The following RARB variants were observed in gnomAD, a reference collection of about 807,000 sequenced individuals.
The protein encoded by RARB is retinoic acid receptor beta, also known as HBV-activated protein.
A neutral mutation model predicts 51.9 loss-of-function variants in RARB; 17 were observed. That is an observed-to-expected ratio of 0.33 (90% CI 0.22 to 0.49). The LOEUF is 0.49. Ranked by LOEUF, RARB falls within the 20% of genes least tolerant of loss-of-function variation. The pLI is 0.99. For missense variants in RARB, 369 were observed against 550.8 expected (o/e 0.67, Z 3.30); for synonymous variants, 215 against 195.4 (o/e 1.10, Z -0.84).
At chr3:25,437,978 TTTA>T (rs1330212931) in intron 1 of RARB, among the ~76,000 whole-genome samples, 1 of 152,230 alleles carries the variant, frequency 6.6e-6, no homozygotes, top group Non-Finnish European at 1.5e-5. Flanking sequence ...GGTCTAACAA[TTTA>T]TTATGACATT....
In RARB at chr3:25,112,133, T is replaced by G. The variant is rs758852806; in HGVS notation, c.-327-20028T>G. Among the ~76,000 whole-genome samples the G allele has an allele frequency of 1.2e-4, 19 of 152,294 alleles. No homozygotes were observed. In the South Asian group the frequency reaches 1.5e-3, roughly 12 times the overall value. On this transcript the variant is annotated intron_variant, in intron 3 of 11. Coordinates refer to the RARB transcript ENST00000383772. ...TAAAAGAACAGACTCTTGTAGAAGT[T>G]AAGAATTATTGGGACATTGAGTAGC...
intron 2 of RARB, among the ~76,000 whole-genome samples, chr3:24,979,144 C>A (rs758425252): frequency 3.9e-5 from 6 of 152,170 alleles, no homozygotes; most frequent in East Asian, 1.9e-4. Context: ...TGTTCTCTTA[C>A]ATTTGCTGAG....
intron 5 of RARB, among the ~76,000 whole-genome samples, chr3:25,178,875 C>G (rs904299266): frequency 6.6e-6 from 1 of 152,148 alleles, no homozygotes; most frequent in Admixed American, 6.5e-5. Context: ...GTCTGTCTGT[C>G]TCTCTTTATG....
intron 2 of RARB, among the ~76,000 whole-genome samples, chr3:24,897,055 C>G (rs1703493054): frequency 6.6e-6 from 1 of 152,184 alleles, no homozygotes; most frequent in Admixed American, 6.5e-5. Context: ...GATTTGGCAT[C>G]CCTGAAGTCT....
chr3:25,421,377 A>G (rs1334561325), intron 5 of RARB, among the ~76,000 whole-genome samples: 1 of 133,288 alleles, frequency 7.5e-6, no homozygotes, highest in Non-Finnish European at 1.6e-5. Flanking sequence ...CCTTGCAGAC[A>G]TTGCACTAAC....
intron 5 of RARB, among the ~76,000 whole-genome samples, chr3:25,318,090 A>G (rs971563221): frequency 2.0e-5 from 3 of 152,200 alleles, no homozygotes; most frequent in Non-Finnish European, 4.4e-5. Flanking sequence ...CGTCTCACTG[A>G]TAGTGTAATA....
intron 2 of RARB, among the ~76,000 whole-genome samples, chr3:24,910,280 C>A (rs1293871953): frequency 2.0e-5 from 3 of 152,116 alleles, no homozygotes; most frequent in Non-Finnish European, 4.4e-5. Context: ...GCCTTTCCAC[C>A]ATCCCTTCAA....
chr3:25,194,985 T>A (rs1357735781), intron 5 of RARB, among the ~76,000 whole-genome samples: 1 of 151,988 alleles, frequency 6.6e-6, no homozygotes, highest in Admixed American at 6.6e-5. Flanking sequence ...TGGCTTGCTT[T>A]CTTATACCTC....
chr3:25,291,894 T>C (rs550553141), intron 5 of RARB, among the ~76,000 whole-genome samples: 1 of 152,172 alleles, frequency 6.6e-6, no homozygotes, highest in Non-Finnish European at 1.5e-5. Flanking sequence ...AACATCCTTT[T>C]GTTCTGAACT....
intron 5 of RARB, among the ~76,000 whole-genome samples, chr3:25,365,259 A>T (rs9880591): frequency 0.44 from 59,768 of 135,498 alleles, 13,223 homozygotes; most frequent in East Asian, 0.75. Flanking sequence ...AGCCAGGAAT[A>T]CAGGTGCATG....
intron 2 of RARB, among the ~76,000 whole-genome samples, chr3:25,493,212 C>T (rs536486622): frequency 2.0e-5 from 3 of 152,244 alleles, no homozygotes; most frequent in South Asian, 4.1e-4. Flanking sequence ...TTTCTACTTT[C>T]TCCCTCCCTC....
At chr3:24,888,491 G>A (rs1703306766) in intron 2 of RARB, among the ~76,000 whole-genome samples, 1 of 151,784 alleles carries the variant, frequency 6.6e-6, no homozygotes, top group African/African-American at 2.4e-5. Flanking sequence ...TATTCTTAAT[G>A]ATCATGCATA....
At chr3:25,328,262 G>C (rs1423282254) in intron 5 of RARB, among the ~76,000 whole-genome samples, 10 of 152,264 alleles carry the variant, frequency 6.6e-5, no homozygotes, top group Non-Finnish European at 1.5e-5. Context: ...GCTTACGCCT[G>C]TAATCCCAAC....
At chr3:25,065,535 T>G (rs1698644259) in intron 3 of RARB, among the ~76,000 whole-genome samples, 1 of 152,236 alleles carries the variant, frequency 6.6e-6, no homozygotes, top group South Asian at 2.1e-4. Context: ...CATATTCTAG[T>G]AAAGTCTTCT....
chr3:25,345,287 C>T (rs368235645), intron 5 of RARB, among the ~76,000 whole-genome samples: 12 of 152,118 alleles, frequency 7.9e-5, no homozygotes, highest in Admixed American at 6.6e-4. Context: ...ACTGAGGCTG[C>T]TGAGCAGAAA....
chr3:24,868,348 C>T (rs1575044324), intron 2 of RARB, among the ~76,000 whole-genome samples: 3 of 152,056 alleles, frequency 2.0e-5, no homozygotes, highest in African/African-American at 4.8e-5. Flanking sequence ...GTATTTAATC[C>T]ATTTATAAGG....
intron 5 of RARB, among the ~76,000 whole-genome samples, chr3:25,394,224 G>A (rs1366596329): frequency 1.3e-5 from 2 of 152,024 alleles, no homozygotes; most frequent in African/African-American, 4.8e-5. Flanking sequence ...TCCTTTTAGA[G>A]TTGATTTCCA....
At chr3:25,349,462 A>G (rs2125456261) in intron 5 of RARB, among the ~76,000 whole-genome samples, 1 of 152,274 alleles carries the variant, frequency 6.6e-6, no homozygotes, top group Admixed American at 6.5e-5. Flanking sequence ...CTACTTACAG[A>G]ATTATGGCAG....
At chr3:25,321,728 TA>T (rs996897025) in intron 5 of RARB, among the ~76,000 whole-genome samples, 10 of 150,052 alleles carry the variant, frequency 6.7e-5, no homozygotes, top group Non-Finnish European at 1.3e-4. Flanking sequence ...AAAAATAAAT[TA>T]AAAAAAAATT....
Sources: allele counts gnomAD v4.1 joint callset (sites outside exome capture counted in the v4.1 genomes callset), GRCh38; gene constraint gnomAD v4.1.1; transcripts MANE v1.5; gene names NCBI Gene and HGNC (gene_info 2026-07-23, HGNC 2026-07-21).